RANBP3: variants seen among roughly 807,000 people sequenced by gnomAD.
RANBP3 encodes RAN binding protein 3.
RANBP3 carries 14 observed loss-of-function variants against 77.3 expected under a neutral mutation model. The observed-to-expected ratio is 0.18, with a 90% CI of 0.12 to 0.28. The LOEUF is 0.28. Among genes scored for constraint, RANBP3 ranks in the 10% least tolerant of loss-of-function variants. The pLI, the probability that RANBP3 is intolerant of heterozygous loss-of-function variation, is 1.00. For synonymous variants in RANBP3, 315 were observed against 312.4 expected (o/e 1.01, Z -0.09); for missense variants, 586 against 752.3 (o/e 0.78, Z 2.59).
intron 8 of RANBP3, among the ~76,000 whole-genome samples, chr19:5,929,612 C>T (rs1056134917): frequency 6.6e-5 from 10 of 152,244 alleles, no homozygotes; most frequent in Admixed American, 1.3e-4. Flanking sequence ...GCCTCTTCCC[C>T]ACTTTCCCAA....
Position 5,918,474 on chromosome 19 carries a change from T to C in RANBP3, c.1473+22A>G, listed in dbSNP as rs768614696. The C allele has an allele frequency of 8.0e-6, 12 of 1,503,358 alleles. No homozygotes were observed. In the African/African-American group the frequency reaches 1.1e-4, roughly 14 times the overall value. 93.1% of individuals were successfully genotyped at this position (1,503,358 alleles called of 1,614,324 possible). A position where few individuals can be genotyped will look rare whatever the true frequency, so the allele number is the denominator to read the frequency against. ...GGCTGGCAGGATGAGGGGTCCCAGA[T>C]GCACCCGCGTGGCTGGCTCACCGAG... On this transcript the variant is annotated intron_variant, in intron 15 of 16. Transcript: ENST00000340578.
intron 10 of RANBP3, 87 bp downstream of exon 10, chr19:5,925,547 C>A: frequency 8.5e-7 from 1 of 1,176,588 alleles, no homozygotes; most frequent in Non-Finnish European, 1.3e-6. Context: ...GAGTCGGGCA[C>A]GGGGACCACA....
At chr19:5,936,069 G>A (rs1206786705) in intron 5 of RANBP3, among the ~76,000 whole-genome samples, 2 of 152,240 alleles carry the variant, frequency 1.3e-5, no homozygotes, top group African/African-American at 4.8e-5. Context: ...CCCAAGTGAT[G>A]TCTGTGGGAA....
At chr19:5,941,882 G>A (rs568619790) in intron 3 of RANBP3, 47 bp from the exon 4 acceptor site, 9 of 1,609,298 alleles carry the variant, frequency 5.6e-6, no homozygotes, top group Admixed American at 5.0e-5. Flanking sequence ...TCAGGCTCAC[G>A]GCAGCCGAGC....
chr19:5,937,792 T>G (rs1599747018), intron 5 of RANBP3, among the ~76,000 whole-genome samples: 1 of 151,908 alleles, frequency 6.6e-6, no homozygotes, highest in Non-Finnish European at 1.5e-5. Flanking sequence ...AGGGGAAAGG[T>G]CTGTGGGGAG....
At chr19:5,933,010 C>A (rs180837905) in intron 6 of RANBP3, 1 of 250,154 alleles carries the variant, frequency 4.0e-6, no homozygotes, top group Non-Finnish European at 7.8e-6. Flanking sequence ...GCAGCATCCC[C>A]GGCAGCCTCA....
At chr19:5,968,993 A>G (rs1322565844) in intron 1 of RANBP3, among the ~76,000 whole-genome samples, 1 of 152,190 alleles carries the variant, frequency 6.6e-6, no homozygotes, top group Non-Finnish European at 1.5e-5. Flanking sequence ...GCCTCGCTGA[A>G]GCTCACACAT....
chr19:5,931,549 A>C lies in RANBP3; in HGVS notation c.566-18T>G, dbSNP rs374576265. The C allele has an allele frequency of 6.3e-5, 100 of 1,596,336 alleles. No individual in the cohort carries two copies. The highest frequency in any genetic ancestry group is 8.2e-5 in the Non-Finnish European group (96 of 1,168,142). On this transcript the variant is annotated intron_variant, in intron 7 of 16. Transcript: ENST00000340578. ...GCTGGGGACTGTGGGAGGGAAGGAG[A>C]GTGGGGAATCACAGGTGCTTGGCGG... is the stretch of plus-strand genomic sequence containing the variant.
At position 5,932,440 on chromosome 19, in the gene RANBP3, G is replaced by A; in HGVS notation, c.565+12C>T. ...CCGTCTGGGCCTGGGCGCCAGGGCT[G>A]CTGTTTCTTACCAGTCTGGGACAGC... is the stretch of plus-strand genomic sequence containing the variant. On this transcript the variant is annotated intron_variant, in intron 7 of 16. Coordinates refer to ENST00000340578, the MANE Select transcript of RANBP3 (RefSeq NM_007322.3). The A allele has an allele frequency of 1.2e-6, 2 of 1,611,458 alleles. No individual in the cohort carries two copies. The highest frequency in any genetic ancestry group is 1.7e-6 in the Non-Finnish European group (2 of 1,178,212).
rs1180048428 is a variant in RANBP3, at chr19:5,958,635, C to T, written c.23-662G>A. 6.6e-6 allele frequency among the ~76,000 whole-genome samples: 1 copy of T among 152,284 alleles called. No homozygotes were observed. Among genetic ancestry groups the T allele is most frequent in the Admixed American group, 6.5e-5 (1 of 15,310 alleles). ...CCATCTGTCTCCTACCCAGGGGCAGCCAGATCCACAGCCCTGTGCCACTCA... is the reference window on the plus strand; with the variant it reads ...CCATCTGTCTCCTACCCAGGGGCAGTCAGATCCACAGCCCTGTGCCACTCA... On this transcript the variant is annotated intron_variant, in intron 1 of 16. Transcript: ENST00000340578. The surrounding 1 kb of genome is among the most constrained non-coding windows in gnomAD (Gnocchi z 4.4).
intron 2 of RANBP3, among the ~76,000 whole-genome samples, chr19:5,955,675 T>C (rs185695086): frequency 3.0e-4 from 45 of 152,372 alleles, no homozygotes; most frequent in African/African-American, 9.1e-4. Flanking sequence ...CTGATTCCTA[T>C]TGTTTGTTTT....
chr19:5,944,745 G>A (rs564209348), intron 3 of RANBP3, among the ~76,000 whole-genome samples: 5 of 152,328 alleles, frequency 3.3e-5, no homozygotes, highest in African/African-American at 9.6e-5. Context: ...CCTCACCTCT[G>A]GCTTCCCTGG....
At chr19:5,976,815 C>A (rs1206995078) in intron 1 of RANBP3, among the ~76,000 whole-genome samples, 2 of 152,162 alleles carry the variant, frequency 1.3e-5, no homozygotes, top group Non-Finnish European at 2.9e-5. Context: ...AGATGCCCAG[C>A]GCCCGCCCAA....
intron 1 of RANBP3, among the ~76,000 whole-genome samples, chr19:5,960,939 C>T (rs28590395): frequency 0.034 from 5,214 of 152,188 alleles, 325 homozygotes; most frequent in African/African-American, 0.12. Flanking sequence ...TGGAAGGGGA[C>T]GTGAGGGTCA....
intron 1 of RANBP3, among the ~76,000 whole-genome samples, chr19:5,966,628 A>G (rs1599795632): frequency 1.3e-5 from 2 of 152,392 alleles, no homozygotes; most frequent in South Asian, 4.1e-4. Flanking sequence ...CTTCCCCACC[A>G]GCCCATGGCT....
At chr19:5,931,572 C>T (rs370237625) in intron 7 of RANBP3, 41 bp from the exon 8 acceptor site, 54 of 1,573,954 alleles carry the variant, frequency 3.4e-5, no homozygotes, top group African/African-American at 8.1e-5. Context: ...AGGTGCTTGG[C>T]GGCCCTCCCA....
At chr19:5,976,833 C>G (rs1024489539) in intron 1 of RANBP3, among the ~76,000 whole-genome samples, 1 of 152,214 alleles carries the variant, frequency 6.6e-6, no homozygotes, top group Non-Finnish European at 1.5e-5. Flanking sequence ...CAACACCACA[C>G]AGAATCAGAA....
At chr19:5,967,844 A>C (rs2058485823) in intron 1 of RANBP3, among the ~76,000 whole-genome samples, 1 of 152,118 alleles carries the variant, frequency 6.6e-6, no homozygotes, top group Non-Finnish European at 1.5e-5. Flanking sequence ...AACATGGTGA[A>C]ATCGTGTCTC....
chr19:5,939,737 C>T (rs186709080), intron 5 of RANBP3, among the ~76,000 whole-genome samples: 4 of 138,230 alleles, frequency 2.9e-5, no homozygotes, highest in Admixed American at 1.5e-4. Flanking sequence ...GGCATTCAGT[C>T]TTTCCCGAGA....
Sources: gnomAD v4.1 joint callset for allele counts (sites outside exome capture counted in the v4.1 genomes callset) on GRCh38, gnomAD v4.1.1 for gene constraint, Gnocchi (gnomAD v3.1) non-coding constraint, MANE v1.5 for transcripts, NCBI Gene and HGNC (gene_info 2026-07-23, HGNC 2026-07-21) for gene names.